The following TECTA variants were observed in gnomAD, a reference collection of about 807,000 sequenced individuals.
TECTA encodes tectorin alpha, also known as alpha-tectorin.
Under a neutral mutation model 216.8 loss-of-function variants are expected in TECTA, and 128 were observed. The observed-to-expected ratio is 0.59, with a 90% confidence interval of 0.51 to 0.68. The LOEUF is 0.68. Ranked by LOEUF, TECTA falls within the 30% of genes least tolerant of loss-of-function variation. The pLI, the probability that TECTA is intolerant of heterozygous loss-of-function variation, is 0.00. For synonymous variants in TECTA, 1,089 were observed against 1,117.1 expected, an observed-to-expected ratio of 0.97 and a Z score of 0.50; for missense variants, 2,551 against 2,786.2, an observed-to-expected ratio of 0.92 and a Z score of 1.90.
chr11:121,182,547 G>A (rs570263012), intron 20 of TECTA, among the ~76,000 whole-genome samples: 8 of 152,328 alleles, frequency 5.3e-5, no homozygotes, highest in Non-Finnish European at 1.2e-4. Flanking sequence ...CCTATCTTCA[G>A]ATCCCTTGAT....
intron 20 of TECTA, among the ~76,000 whole-genome samples, chr11:121,181,109 G>A (rs1217547348): frequency 6.6e-6 from 1 of 152,078 alleles, no homozygotes; most frequent in Admixed American, 6.6e-5. Context: ...AAGTTGCAGT[G>A]AGCTGAGATC....
chr11:121,127,917 T>A lies in TECTA; in HGVS notation c.1940T>A (p.Leu647Gln). The A allele has an allele frequency of 6.2e-7, 1 of 1,614,148 alleles. No homozygotes were observed. The highest frequency in any genetic ancestry group is 8.5e-7 in the Non-Finnish European group (1 of 1,180,026). ...CTCAGCACCAGCCAGTGCGTCCCTC[T>A]GCACAAGTGCGGCTGCGACTTCGAC... ...FVLSTSQCVPLHKCGCDFDGH... is the reference protein window; with the variant it reads ...FVLSTSQCVPQHKCGCDFDGH... The change falls in exon 9 of 24, where the codon CTG (leucine) becomes CAG (glutamine). Residue 647 changes from leucine (L) to glutamine (Q), a missense_variant. Leu to Gln is a moderately radical substitution (Grantham distance 113). Around this residue, in one of 3 missense-constraint regions of TECTA, gnomAD observed 2,375 missense variants for 2,563.9 expected, o/e 0.93. Transcript: ENST00000392793. The surrounding 1 kb of genome is among the most constrained non-coding windows in gnomAD (Gnocchi z 5.0).
chr11:121,104,388 G>C (rs1409052923), intron 2 of TECTA, among the ~76,000 whole-genome samples: 3 of 152,054 alleles, frequency 2.0e-5, no homozygotes. Flanking sequence ...CCGACACAGC[G>C]CCTCCTACAG....
In TECTA at chr11:121,133,107, TTC is replaced by T. The variant is rs1304136567; in HGVS notation, c.2941+2898_2941+2899del. On this transcript the variant is annotated intron_variant, in intron 10 of 23. Transcript: ENST00000392793. ...TTGTATTTCCTCCTGTTTGCTTATT[TTC>T]TTAGCTTCTTATTTTGAAATAATTT... Among the ~76,000 whole-genome samples the T allele has an allele frequency of 7.2e-5, 11 of 152,360 alleles. No homozygotes were observed. In the East Asian group the frequency reaches 2.1e-3, roughly 29 times the overall value.
At position 121,128,191 on chromosome 11, in the gene TECTA, C is replaced by T. The variant is rs754618046; in HGVS notation, c.2214C>T (p.Thr738=). 1.6e-5 allele frequency: 26 copies of T among 1,607,416 alleles called. No homozygotes were observed. The highest frequency in any genetic ancestry group is 2.0e-5 in the Non-Finnish European group (24 of 1,180,002). The part of the protein sequence containing the change: ...SYAFPSEFSY[T]LLKTCPERPE... ...CCTTCCCCTCCGAGTTCTCCTACAC[C>T]CTCCTGAAGACCTGCCCTGAGCGCC... Residue 738 remains threonine, a synonymous_variant, in exon 9 of 24, where the codon ACC becomes ACT. Transcript: ENST00000392793.
At position 121,170,202 on chromosome 11, in the gene TECTA, G is replaced by A. The variant is rs569141126; in HGVS notation, c.5999+1277G>A. Among the ~76,000 whole-genome samples the A allele has an allele frequency of 3.9e-5, 6 of 152,244 alleles. No homozygotes were observed. The South Asian group carries it at 8.3e-4, about 21-fold the overall frequency. The stretch of plus-strand genomic sequence containing the variant: ...TAGGATTTCATTTCTTTTTAAGGCT[G>A]AATAGTATTCCCTTGTGTATATATA... On this transcript the variant is annotated intron_variant, in intron 20 of 23. Coordinates refer to ENST00000392793, the MANE Select transcript of TECTA (RefSeq NM_005422.4).
chr11:121,126,748 A>G (rs958952156), intron 8 of TECTA, among the ~76,000 whole-genome samples: 12 of 152,208 alleles, frequency 7.9e-5, no homozygotes, highest in African/African-American at 2.4e-4. Flanking sequence ...ATCAGGTTCA[A>G]TTCTTAAGAG....
rs1398668899 is a variant in TECTA at position 121,105,709 on chromosome 11, T to C, written c.65-122T>C. ...AGGTTTAGGATGAATGACAGGGCAGTATGACTTGCATTCAGCTTGCAAGCC... is the reference window on the plus strand; with the variant it reads ...AGGTTTAGGATGAATGACAGGGCAGCATGACTTGCATTCAGCTTGCAAGCC... On this transcript the variant is annotated intron_variant, in intron 2 of 23. Transcript: ENST00000392793. The surrounding 1 kb of genome is among the most constrained non-coding windows in gnomAD (Gnocchi z 5.3). 1.6e-6 allele frequency: 2 copies of C among 1,268,402 alleles called. No homozygotes were observed. Among genetic ancestry groups the C allele is most frequent in the Non-Finnish European group, 2.2e-6 (2 of 895,888 alleles). 78.6% of individuals were successfully genotyped at this position (1,268,402 alleles called of 1,614,324 possible).
At chr11:121,148,818 G>T (rs531802569) in intron 12 of TECTA, among the ~76,000 whole-genome samples, 2 of 152,148 alleles carry the variant, frequency 1.3e-5, no homozygotes, top group East Asian at 3.8e-4. Context: ...TTGTAAACTC[G>T]TTGGAAAATC....
chr11:121,175,492 T>C (rs555974689), intron 20 of TECTA, among the ~76,000 whole-genome samples: 1 of 152,354 alleles, frequency 6.6e-6, no homozygotes, highest in Admixed American at 6.5e-5. Flanking sequence ...TTCCATGTAA[T>C]TGAGCGGTTT....
At chr11:121,121,506 C>T (rs373174397) in intron 7 of TECTA, among the ~76,000 whole-genome samples, 9 of 152,280 alleles carry the variant, frequency 5.9e-5, no homozygotes, top group African/African-American at 1.9e-4. Context: ...TCTGGGATCT[C>T]CTGCTCTAAG....
rs200509939 is a variant in TECTA, at chr11:121,160,112, T to A, written c.4690-23T>A. On this transcript the variant is annotated intron_variant, in intron 14 of 23. Transcript: ENST00000392793. ...CAACACCTACTCTAAGCGTAATTAT[T>A]TTCTTTTTTCCTCCTCCAATAGGTG... 1.4e-4 allele frequency: 230 copies of A among 1,614,166 alleles called. 1 individual carries two copies. The African/African-American group carries it at 2.3e-3, about 16-fold the overall frequency.
At chr11:121,139,420 C>T (rs1040276089) in intron 11 of TECTA, among the ~76,000 whole-genome samples, 5 of 152,174 alleles carry the variant, frequency 3.3e-5, no homozygotes, top group African/African-American at 9.7e-5. Flanking sequence ...AGGCTGAGCA[C>T]GGTGGCTCAT....
chr11:121,101,452 A>G lies in TECTA; in HGVS notation c.-2+10A>G, dbSNP rs17245810. The G allele has an allele frequency of 0.02, 3,048 of 152,238 alleles. 50 individuals are homozygous for G. Among genetic ancestry groups the G allele is most frequent in the Non-Finnish European group, 0.03 (2,052 of 68,002 alleles). The allele number at this position is 152,238 out of a possible 1,614,324, so 9.4% of individuals were successfully genotyped here. A position where few individuals can be genotyped will look rare whatever the true frequency, so the allele number is the denominator to read the frequency against. On this transcript the variant is annotated intron_variant, in intron 1 of 23. Coordinates refer to ENST00000392793, the MANE Select transcript of TECTA (RefSeq NM_005422.4). ...AGCCTCTACAGAACAGGTTAGTGACATTTTTCATAAATACAAATATCTAAA... is the reference window on the plus strand; with the variant it reads ...AGCCTCTACAGAACAGGTTAGTGACGTTTTTCATAAATACAAATATCTAAA...
chr11:121,125,571 T>A lies in TECTA; in HGVS notation c.1473T>A (p.Arg491=). ...MSVLDLGESW[R]VYHADWKCDS... ...TCCTGGATCTGGGAGAGAGCTGGCG[T>A]GTGTACCACGCAGACTGGAAGTGCG... The change falls in exon 8 of 24, where the codon CGT becomes CGA. Residue 491 remains arginine, a synonymous_variant. Transcript: ENST00000392793. 3.7e-6 allele frequency: 6 copies of A among 1,614,138 alleles called. No homozygotes were observed. The highest frequency in any genetic ancestry group is 5.1e-6 in the Non-Finnish European group (6 of 1,180,030).
chr11:121,130,485 A>G (rs1946663474), intron 10 of TECTA, among the ~76,000 whole-genome samples: 2 of 152,200 alleles, frequency 1.3e-5, no homozygotes, highest in Admixed American at 1.3e-4. Flanking sequence ...AGCAGAGGGT[A>G]GAGGCACCAT....
At chr11:121,111,324 G>A (rs1191580149) in intron 4 of TECTA, among the ~76,000 whole-genome samples, 2 of 152,230 alleles carry the variant, frequency 1.3e-5, no homozygotes, top group Admixed American at 1.3e-4. Flanking sequence ...AATCTCCTAG[G>A]AGACAGAGCA....
chr11:121,121,459 G>A (rs1324323021), intron 7 of TECTA, among the ~76,000 whole-genome samples: 1 of 152,200 alleles, frequency 6.6e-6, no homozygotes, highest in Non-Finnish European at 1.5e-5. Flanking sequence ...AGGGTCAGAG[G>A]AATGAAGCAA....
chr11:121,171,893 G>A (rs1348053075), intron 20 of TECTA, among the ~76,000 whole-genome samples: 2 of 152,160 alleles, frequency 1.3e-5, no homozygotes, highest in African/African-American at 4.8e-5. Context: ...CAGTTTGGAT[G>A]TCTTTTATTT....
Sources: allele counts gnomAD v4.1 joint callset (sites outside exome capture counted in the v4.1 genomes callset), GRCh38; gene constraint gnomAD v4.1.1; regional missense constraint gnomAD v4.1.1; non-coding constraint Gnocchi (gnomAD v3.1); transcripts MANE v1.5; gene names NCBI Gene and HGNC (gene_info 2026-07-23, HGNC 2026-07-21).